The following EPHA6 variants were observed in gnomAD, a reference collection of about 807,000 sequenced individuals.
The protein encoded by EPHA6 is EPH receptor A6, also known as ephrin type-A receptor 6.
A neutral mutation model predicts 112.0 loss-of-function variants in EPHA6; 50 were observed. The observed-to-expected ratio is 0.45, with a 90% confidence interval of 0.36 to 0.56. The LOEUF (loss-of-function observed/expected upper bound fraction) is 0.56. Among genes scored for constraint, EPHA6 ranks in the 20% least tolerant of loss-of-function variants. The pLI is 0.00. For synonymous variants in EPHA6, 529 were observed against 490.7 expected (o/e 1.08, Z -1.03); for missense variants, 1,280 against 1,417.4 (o/e 0.90, Z 1.56).
intron 3 of EPHA6, among the ~76,000 whole-genome samples, chr3:97,200,556 C>T (rs1294862737): frequency 3.9e-5 from 6 of 152,054 alleles, no homozygotes; most frequent in African/African-American, 9.7e-5. Context: ...TACCTGTGTT[C>T]CCTCCAGCAA....
intron 5 of EPHA6, among the ~76,000 whole-genome samples, chr3:97,388,262 A>G (rs1161405478): frequency 6.6e-6 from 1 of 152,186 alleles, no homozygotes; most frequent in Non-Finnish European, 1.5e-5. Context: ...TTATGCCACT[A>G]GCATTGAAAC....
chr3:96,928,268 A>G (rs1230914574), intron 2 of EPHA6, among the ~76,000 whole-genome samples: 1 of 152,220 alleles, frequency 6.6e-6, no homozygotes, highest in Non-Finnish European at 1.5e-5. Flanking sequence ...ATTTAGTGCT[A>G]TAAATTTACC....
intron 6 of EPHA6, among the ~76,000 whole-genome samples, chr3:97,432,323 A>T (rs1219594305): frequency 2.0e-5 from 3 of 152,182 alleles, no homozygotes; most frequent in Non-Finnish European, 4.4e-5. Flanking sequence ...CAACACAAAT[A>T]TCTATTTAAT....
chr3:96,916,502 T>C (rs768478518), intron 2 of EPHA6, among the ~76,000 whole-genome samples: 11 of 152,152 alleles, frequency 7.2e-5, no homozygotes, highest in Admixed American at 1.3e-4. Flanking sequence ...GCAGAAATTA[T>C]TTTGGTTTTT....
At chr3:97,131,660 G>T (rs1039343839) in intron 3 of EPHA6, among the ~76,000 whole-genome samples, 1 of 152,138 alleles carries the variant, frequency 6.6e-6, no homozygotes, top group Non-Finnish European at 1.5e-5. Flanking sequence ...GATGCCTTGT[G>T]TATTATCTAG....
chr3:97,417,184 A>C (rs1184912874), intron 6 of EPHA6, among the ~76,000 whole-genome samples: 1 of 152,164 alleles, frequency 6.6e-6, no homozygotes, highest in Non-Finnish European at 1.5e-5. Context: ...TTTGCTAAGT[A>C]AATATTTTTC....
chr3:97,283,584 A>G (rs917026676), intron 5 of EPHA6, among the ~76,000 whole-genome samples: 2 of 152,092 alleles, frequency 1.3e-5, no homozygotes, highest in African/African-American at 4.8e-5. Context: ...CAGTCTACAC[A>G]TCACACACCG....
chr3:97,372,494 G>A (rs967037205), intron 5 of EPHA6, among the ~76,000 whole-genome samples: 1 of 152,102 alleles, frequency 6.6e-6, no homozygotes, highest in Admixed American at 6.6e-5. Flanking sequence ...AATGGTCAAG[G>A]CAGTATTGGT....
intron 4 of EPHA6, among the ~76,000 whole-genome samples, chr3:97,235,096 T>G (rs144546748): frequency 1.3e-5 from 2 of 152,266 alleles, no homozygotes; most frequent in African/African-American, 2.4e-5. Flanking sequence ...ATTTCCTGAC[T>G]GCCCCCTCAA....
chr3:97,729,003 T>C (rs1194446532), intron 15 of EPHA6, among the ~76,000 whole-genome samples: 1 of 152,118 alleles, frequency 6.6e-6, no homozygotes. Context: ...CATGCTATTG[T>C]GACTTCCAAA....
chr3:97,076,419 C>T, intron 3 of EPHA6, among the ~76,000 whole-genome samples: 1 of 151,988 alleles, frequency 6.6e-6, no homozygotes, highest in East Asian at 1.9e-4. Flanking sequence ...TCTGTGAAGG[C>T]TGAGAGAGGT....
intron 13 of EPHA6, among the ~76,000 whole-genome samples, chr3:97,617,831 G>A (rs1220076244): frequency 3.3e-5 from 5 of 152,060 alleles, no homozygotes; most frequent in Admixed American, 2.6e-4. Context: ...CAATAATAGT[G>A]GAAGACTTTA....
chr3:97,654,463 T>G (rs753815429), intron 14 of EPHA6, among the ~76,000 whole-genome samples: 13 of 151,836 alleles, frequency 8.6e-5, no homozygotes, highest in Non-Finnish European at 1.6e-4. Context: ...ATGGCAGAAA[T>G]AAAAAATAAT....
At chr3:97,695,978 G>A (rs929347207) in intron 14 of EPHA6, among the ~76,000 whole-genome samples, 8 of 152,126 alleles carry the variant, frequency 5.3e-5, no homozygotes, top group African/African-American at 1.7e-4. Context: ...ATCTTCTTTT[G>A]CACAGAACCT....
At chr3:97,218,504 T>A (rs2078097804) in intron 3 of EPHA6, among the ~76,000 whole-genome samples, 5 of 152,052 alleles carry the variant, frequency 3.3e-5, no homozygotes, top group Admixed American at 1.3e-4. Flanking sequence ...CCTAGCAAAG[T>A]AGGAAGAGCC....
At chr3:96,983,911 T>C (rs949122716) in intron 2 of EPHA6, among the ~76,000 whole-genome samples, 1 of 152,214 alleles carries the variant, frequency 6.6e-6, no homozygotes, top group Non-Finnish European at 1.5e-5. Flanking sequence ...CATCAGGTCA[T>C]TCAAGGACTT....
chr3:97,395,482 T>G (rs1004817123), intron 5 of EPHA6, among the ~76,000 whole-genome samples: 3 of 151,864 alleles, frequency 2.0e-5, no homozygotes, highest in Admixed American at 6.6e-5. Flanking sequence ...ATTATCGTTT[T>G]TGATTATACT....
intron 5 of EPHA6, among the ~76,000 whole-genome samples, chr3:97,276,611 G>A (rs1457083257): frequency 6.6e-6 from 1 of 152,170 alleles, no homozygotes; most frequent in Non-Finnish European, 1.5e-5. Context: ...GGTTAACTAA[G>A]TCCTGTTGCG....
rs377543314 is a variant in EPHA6 at position 97,734,481 on chromosome 3, T to C, written c.2935-1444T>C. 9.2e-5 allele frequency among the ~76,000 whole-genome samples: 14 copies of C among 152,068 alleles called. No individual in the cohort carries two copies. In the South Asian group the frequency reaches 2.7e-3, roughly 29 times the overall value. ...GTTCAGTAATAAAATATAAAGTGAA[T>C]AGAAAAATGCTAGCATCCTGACAGG... On this transcript the variant is annotated intron_variant, in intron 15 of 17. Transcript: ENST00000389672.
Sources: gnomAD v4.1 joint callset for allele counts (sites outside exome capture counted in the v4.1 genomes callset) on GRCh38, gnomAD v4.1.1 for gene constraint, MANE v1.5 for transcripts, NCBI Gene and HGNC (gene_info 2026-07-23, HGNC 2026-07-21) for gene names.